CTBP1: variants seen among roughly 807,000 people sequenced by gnomAD.
The protein encoded by CTBP1 is C-terminal-binding protein 1.
CTBP1 carries 11 observed loss-of-function variants against 42.1 expected under a neutral mutation model. The ratio of observed to expected loss-of-function variants is 0.26; its 90% CI spans 0.16 to 0.43. The LOEUF (loss-of-function observed/expected upper bound fraction) is 0.43. CTBP1 is among the 20% of genes least tolerant of loss of function. The probability of loss-of-function intolerance (pLI) is 1.00; values close to 1 mark genes in which losing one functional copy is unlikely to be tolerated. For synonymous variants in CTBP1, 324 were observed against 277.1 expected (o/e 1.17, Z -1.68); for missense variants, 399 against 624.3 (o/e 0.64, Z 3.85).
chr4:1,224,662 T>C (rs907102549), intron 5 of CTBP1, among the ~76,000 whole-genome samples: 3 of 151,114 alleles, frequency 2.0e-5, no homozygotes, highest in African/African-American at 7.3e-5. Flanking sequence ...GCAGGCCCTG[T>C]GTGCTGTGAC....
chr4:1,248,581 C>A, intron 1 of CTBP1: 1 of 706,410 alleles, frequency 1.4e-6, no homozygotes, highest in East Asian at 1.3e-4. Context: ...GGGTGCCGTC[C>A]CGGGTCCGAC....
At position 1,241,342 on chromosome 4, in the gene CTBP1, G is replaced by T. The variant is rs951664386; in HGVS notation, c.-11C>A. On this transcript the variant is annotated 5_prime_UTR_variant, in exon 2 of 10. Transcript: ENST00000382952. ...CTACCAACCTGACATCTCTTAATAT[G>T]GGCTCAGCTTCCACGACCATGAATT... is the stretch of plus-strand genomic sequence containing the variant. The T allele has an allele frequency of 1.1e-6, 1 of 919,908 alleles. No individual in the cohort carries two copies. The highest frequency in any genetic ancestry group is 1.7e-5 in the Admixed American group (1 of 59,178). 57.0% of individuals were successfully genotyped at this position (919,908 alleles called of 1,614,324 possible).
At chr4:1,239,977 T>C (rs759751238) in intron 2 of CTBP1, among the ~76,000 whole-genome samples, 1 of 152,266 alleles carries the variant, frequency 6.6e-6, no homozygotes, top group Non-Finnish European at 1.5e-5. Flanking sequence ...GTGGTGGTGA[T>C]GACTTCTCAT....
intron 1 of CTBP1, chr4:1,245,364 A>C (rs1732609919): frequency 1.0e-6 from 1 of 985,000 alleles, no homozygotes; most frequent in Non-Finnish European, 1.2e-6. Context: ...AGCTCCAGGA[A>C]CCCCCAGAAC....
chr4:1,242,631 C>G (rs1266302909), intron 1 of CTBP1: 20 of 985,328 alleles, frequency 2.0e-5, no homozygotes, highest in Non-Finnish European at 2.4e-5. Flanking sequence ...TCCAGGGTCC[C>G]CAACACCACT....
At chr4:1,243,443 T>G in intron 1 of CTBP1, 1 of 985,344 alleles carries the variant, frequency 1.0e-6, no homozygotes, top group Non-Finnish European at 1.2e-6. Context: ...TGGTTCCTTG[T>G]TCCAAGGCTG....
At position 1,214,429 on chromosome 4, in the gene CTBP1, C is replaced by A; in HGVS notation, c.774G>T (p.Leu258=). The A allele has an allele frequency of 6.3e-7, 1 of 1,585,470 alleles. No homozygotes were observed. The highest frequency in any genetic ancestry group is 8.6e-7 in the Non-Finnish European group (1 of 1,168,394). Residue 258 remains leucine (L), a synonymous_variant, in exon 7 of 10, where the codon CTG becomes CTT. Coordinates refer to ENST00000382952, the MANE Select transcript of CTBP1 (RefSeq NM_001012614.2). ...AFLVNTARGG[L]VDEKALAQAL... The stretch of plus-strand genomic sequence containing the variant: ...CCTGGGCCAGCGCCTTCTCATCCAC[C>A]AGGCCACCCCGGGCTGTGTTCACCA...
chr4:1,225,643 G>A (rs1730255622), intron 4 of CTBP1, 77 bp from the exon 5 acceptor site: 1 of 1,416,546 alleles, frequency 7.1e-7, no homozygotes, highest in Non-Finnish European at 9.5e-7. Flanking sequence ...GCCGTGACTG[G>A]AGCGGGTTTG....
chr4:1,216,171 C>G lies in CTBP1; in HGVS notation c.549G>C (p.Lys183Asn), dbSNP rs768461350. 1 of 1,610,776 alleles carries G rather than the reference C, an allele frequency of 6.2e-7. No individual in the cohort carries two copies. Among genetic ancestry groups the G allele is most frequent in the East Asian group, 2.2e-5 (1 of 44,882 alleles). ...RVGQAVALRA[K>N]AFGFNVLFYD... ...AGAAGAGCACGTTGAAGCCGAAGGC[C>G]TTGGCCCGCAGCGCCACTGCCTGCC... Residue 183 changes from lysine (K) to asparagine (N), a missense_variant, in exon 6 of 10, where the codon AAG (lysine) becomes AAC (asparagine). Lys to Asn is a moderately conservative substitution (Grantham distance 94). Transcript: ENST00000382952.
intron 3 of CTBP1, chr4:1,237,941 G>A (rs1247594439): frequency 1.4e-6 from 1 of 704,632 alleles, no homozygotes; most frequent in Non-Finnish European, 2.6e-6. Context: ...TCCTGATGGG[G>A]CACAGGGAAA....
intron 2 of CTBP1, among the ~76,000 whole-genome samples, chr4:1,239,402 C>T (rs867305954): frequency 1.3e-5 from 2 of 152,146 alleles, no homozygotes; most frequent in African/African-American, 2.4e-5. Flanking sequence ...CAGGACCGTT[C>T]GGCCAGCAGG....
intron 3 of CTBP1, among the ~76,000 whole-genome samples, chr4:1,232,654 C>T (rs1175799750): frequency 1.3e-5 from 2 of 152,172 alleles, no homozygotes; most frequent in Admixed American, 6.5e-5. Context: ...TTAAAGTGAC[C>T]TTTTCCTCTG....
intron 4 of CTBP1, 26 bp from the exon 5 acceptor site, chr4:1,225,592 A>G: frequency 3.9e-6 from 6 of 1,528,810 alleles, no homozygotes; most frequent in Non-Finnish European, 5.3e-6. Context: ...CACGGCGGTC[A>G]CCCCCGGGCC....
chr4:1,212,530 A>G (rs1577009904), intron 9 of CTBP1, 107 bp from the exon 10 acceptor site: 1 of 998,722 alleles, frequency 1.0e-6, no homozygotes, highest in South Asian at 1.9e-5. Context: ...CAGGAGGACC[A>G]GCAGTCAGGG....
At chr4:1,227,175 C>T (rs907821210) in intron 4 of CTBP1, among the ~76,000 whole-genome samples, 1 of 152,138 alleles carries the variant, frequency 6.6e-6, no homozygotes, top group East Asian at 1.9e-4. Flanking sequence ...TGTAGGTGCA[C>T]GGGTGCAGAC....
chr4:1,241,677 A>C, intron 1 of CTBP1, 158 bp from the exon 2 acceptor site: 1 of 1,279,140 alleles, frequency 7.8e-7, no homozygotes, highest in Non-Finnish European at 1.0e-6. Context: ...GCTGACAGCC[A>C]GGGGCCCCGG....
intron 3 of CTBP1, among the ~76,000 whole-genome samples, chr4:1,231,799 C>A (rs1349243416): frequency 2.0e-5 from 3 of 152,244 alleles, no homozygotes; most frequent in African/African-American, 4.8e-5. Context: ...ACTGCCAAAG[C>A]ACCATCGAGA....
chr4:1,212,073 C>T lies in CTBP1; in HGVS notation c.*167G>A, dbSNP rs765714654. Reference sequence around the variant, plus strand: ...CAGGGCAGAGCGCCCACAGGACGGACGACGACAAGCGACACGAGGCCCAGC... The same window carrying T: ...CAGGGCAGAGCGCCCACAGGACGGATGACGACAAGCGACACGAGGCCCAGC... On this transcript the variant is annotated 3_prime_UTR_variant, in exon 10 of 10. Transcript: ENST00000382952. 13 of 497,092 alleles carry T rather than the reference C, an allele frequency of 2.6e-5. No individual in the cohort carries two copies. Among genetic ancestry groups the T allele is most frequent in the African/African-American group, 6.0e-5 (3 of 49,786 alleles). 30.8% of individuals were successfully genotyped at this position (497,092 alleles called of 1,614,324 possible). A position where few individuals can be genotyped will look rare whatever the true frequency, so the allele number is the denominator to read the frequency against.
chr4:1,249,916 G>A (rs1215519534), upstream of CTBP1: 1 of 185,248 alleles, frequency 5.4e-6, no homozygotes, highest in Non-Finnish European at 1.2e-5. Context: ...CCCGACCCGG[G>A]AGGGCCCGAA....
Sources: gnomAD v4.1 joint callset for allele counts (sites outside exome capture counted in the v4.1 genomes callset) on GRCh38, gnomAD v4.1.1 for gene constraint, MANE v1.5 for transcripts, NCBI Gene and HGNC (gene_info 2026-07-23, HGNC 2026-07-21) for gene names.